FRYL: variants seen among roughly 807,000 people sequenced by gnomAD.
FRYL encodes protein furry homolog-like.
FRYL carries 150 observed loss-of-function variants against 351.2 expected under a neutral mutation model. The observed-to-expected ratio is 0.43, with a 90% CI of 0.37 to 0.49. FRYL has a LOEUF of 0.49. Among genes scored for constraint, FRYL ranks in the 20% least tolerant of loss-of-function variants. FRYL has a pLI of 0.00. For synonymous variants in FRYL, 1,153 were observed against 1,257.1 expected (o/e 0.92, Z 1.75); for missense variants, 3,036 against 3,619.3 (o/e 0.84, Z 4.13).
intron 2 of FRYL, among the ~76,000 whole-genome samples, chr4:48,709,359 T>C (rs772340331): frequency 2.0e-5 from 3 of 152,052 alleles, no homozygotes; most frequent in Non-Finnish European, 4.4e-5. Context: ...TAATATGATA[T>C]TGGAGTGGAC....
chr4:48,715,492 G>T (rs1392617542), intron 1 of FRYL, among the ~76,000 whole-genome samples: 1 of 151,450 alleles, frequency 6.6e-6, no homozygotes, highest in Admixed American at 6.6e-5. Context: ...GACAAACAGA[G>T]AGCCAAATCA....
At chr4:48,696,904 C>T (rs986410692) in intron 2 of FRYL, among the ~76,000 whole-genome samples, 1 of 151,082 alleles carries the variant, frequency 6.6e-6, no homozygotes, top group African/African-American at 2.4e-5. Context: ...ATCACTTTCA[C>T]AAGTCAACCA....
intron 1 of FRYL, among the ~76,000 whole-genome samples, chr4:48,736,773 C>A (rs1389891609): frequency 7.1e-6 from 1 of 140,374 alleles, no homozygotes; most frequent in Non-Finnish European, 1.5e-5. Flanking sequence ...TCGCTTGTAC[C>A]TAGGAGGCGG....
chr4:48,618,074 A>G (rs1749899653), intron 7 of FRYL: 1 of 152,196 alleles, frequency 6.6e-6, no homozygotes, highest in African/African-American at 2.4e-5. Context: ...TTCCTATCCT[A>G]GTGACTGCTG....
Position 48,576,221 on chromosome 4 carries a change from T to C in FRYL, c.2530A>G (p.Ser844Gly). Reference sequence around the variant, plus strand: ...TTTACTTTCTTAGCATTGATGGGGCTACTAAGGAAAAAAAAAGAAAAATAG... The same window carrying C: ...TTTACTTTCTTAGCATTGATGGGGCCACTAAGGAAAAAAAAAGAAAAATAG... ...QLLSPQVDINSPINAKKVNTT... is the reference protein window; with the variant it reads ...QLLSPQVDINGPINAKKVNTT... Residue 844 changes from serine (S) to glycine (G), a missense_variant and splice_region_variant, in exon 24 of 64, where the codon AGC (serine) becomes GGC (glycine). Transcript: ENST00000358350. 1 of 1,572,842 alleles carries C rather than the reference T, an allele frequency of 6.4e-7. No individual in the cohort carries two copies. The highest frequency in any genetic ancestry group is 8.6e-7 in the Non-Finnish European group (1 of 1,162,490).
chr4:48,583,341 C>G (rs369263374), intron 19 of FRYL, among the ~76,000 whole-genome samples: 1 of 152,056 alleles, frequency 6.6e-6, no homozygotes, highest in South Asian at 2.1e-4. Flanking sequence ...TTAGTAGAGA[C>G]GGGGTTTCAC....
At chr4:48,519,638 G>C (rs1464520193) in intron 55 of FRYL, among the ~76,000 whole-genome samples, 1 of 151,872 alleles carries the variant, frequency 6.6e-6, no homozygotes, top group Non-Finnish European at 1.5e-5. Context: ...GAGTAGATGG[G>C]ACTACAGGTG....
intron 1 of FRYL, among the ~76,000 whole-genome samples, chr4:48,718,682 T>C (rs1185716337): frequency 6.6e-6 from 1 of 151,554 alleles, no homozygotes; most frequent in Non-Finnish European, 1.5e-5. Context: ...TGAAAAAGGT[T>C]GCCCAATGTC....
In FRYL at chr4:48,674,810, G is replaced by A. The variant is rs1195036725; in HGVS notation, c.-81+9863C>T. On this transcript the variant is annotated intron_variant, in intron 3 of 63. Transcript: ENST00000358350. ...AGAAGCCCTTTGCTGTAACACAACT[G>A]TTGTCTAATTATTTAATCCAAAACT... Among the ~76,000 whole-genome samples, 3 of 149,074 alleles carry A rather than the reference G, an allele frequency of 2.0e-5. No individual in the cohort carries two copies. In the East Asian group the frequency reaches 5.9e-4, roughly 29 times the overall value.
At chr4:48,770,044 G>T (rs1284750116) in intron 1 of FRYL, among the ~76,000 whole-genome samples, 2 of 152,026 alleles carry the variant, frequency 1.3e-5, no homozygotes, top group Admixed American at 6.5e-5. Flanking sequence ...GCATATACAA[G>T]AATTTTATCA....
At chr4:48,671,199 C>T (rs1423418552) in intron 3 of FRYL, among the ~76,000 whole-genome samples, 1 of 152,130 alleles carries the variant, frequency 6.6e-6, no homozygotes, top group Non-Finnish European at 1.5e-5. Flanking sequence ...CTCTGATCAT[C>T]AATGATGTTA....
intron 54 of FRYL, 81 bp downstream of exon 54, chr4:48,522,820 C>T: frequency 1.9e-6 from 2 of 1,029,836 alleles, no homozygotes; most frequent in Non-Finnish European, 3.1e-6. Context: ...TTCACCCATG[C>T]ACAAGAAATA....
intron 5 of FRYL, among the ~76,000 whole-genome samples, chr4:48,622,426 G>T (rs1412932433): frequency 6.6e-6 from 1 of 152,090 alleles, no homozygotes. Flanking sequence ...GTACATACAG[G>T]GGCCAGAGCA....
Position 48,528,000 on chromosome 4 carries a change from G to T in FRYL, c.7111C>A (p.Pro2371Thr), listed in dbSNP as rs757358528. ...GGGTTCTTTGGGAGGCCAGATTCTG[G>T]ACCACAGAGAGAAAGCACATTCATT... ...KLMNVLSLCG[P>T]ESGLPKNPSV... is the part of the protein sequence containing the mutation. Residue 2371 changes from proline (P) to threonine (T), a missense_variant, in exon 52 of 64, where the codon CCA becomes ACA. Pro to Thr is a conservative substitution (Grantham distance 38). Around this residue, in one of 7 missense-constraint regions of FRYL, gnomAD observed 1,987 missense variants for 2,311.7 expected, o/e 0.86. Transcript: ENST00000358350. 30 of 1,578,970 alleles carry T rather than the reference G, an allele frequency of 1.9e-5. No homozygotes were observed. The highest frequency in any genetic ancestry group is 2.5e-5 in the Non-Finnish European group (29 of 1,170,330).
chr4:48,516,677 TG>T (rs1038284679), intron 55 of FRYL, among the ~76,000 whole-genome samples: 1 of 152,226 alleles, frequency 6.6e-6, no homozygotes, highest in African/African-American at 2.4e-5. Context: ...TGAAGGATTT[TG>T]ACTAGATTCT....
At chr4:48,634,533 ACT>A (rs1753851513) in intron 3 of FRYL, 43 bp from the exon 4 acceptor site, 1 of 1,493,474 alleles carries the variant, frequency 6.7e-7, no homozygotes, top group South Asian at 1.2e-5. Context: ...TAATAAATCA[ACT>A]CAAGAGGTCT....
At chr4:48,505,689 C>A in intron 59 of FRYL, 74 bp from the exon 60 acceptor site, 4 of 893,146 alleles carry the variant, frequency 4.5e-6, no homozygotes, top group Non-Finnish European at 5.4e-6. Flanking sequence ...ATATACAACA[C>A]CAAACTTAAA....
intron 41 of FRYL, 48 bp from the exon 42 acceptor site, chr4:48,546,319 A>C: frequency 2.2e-6 from 3 of 1,383,302 alleles, no homozygotes; most frequent in Non-Finnish European, 3.1e-6. Flanking sequence ...AAAGAATCTC[A>C]CAAAATACCT....
At chr4:48,695,233 T>C (rs753448611) in intron 2 of FRYL, among the ~76,000 whole-genome samples, 42 of 152,200 alleles carry the variant, frequency 2.8e-4, no homozygotes, top group Non-Finnish European at 5.0e-4. Flanking sequence ...AGAGTTGCTC[T>C]GAGACTGTGA....
Sources: gnomAD v4.1 joint callset for allele counts (sites outside exome capture counted in the v4.1 genomes callset) on GRCh38, gnomAD v4.1.1 for gene constraint, gnomAD v4.1.1 regional missense constraint, MANE v1.5 for transcripts, NCBI Gene and HGNC (gene_info 2026-07-23, HGNC 2026-07-21) for gene names.